The following GRID2 variants were observed in gnomAD, a reference collection of about 807,000 sequenced individuals.
The protein encoded by GRID2 is glutamate ionotropic receptor delta type subunit 2.
GRID2 carries 33 observed loss-of-function variants against 114.8 expected under a neutral mutation model. That is an observed-to-expected ratio of 0.29 (90% CI 0.22 to 0.38). GRID2 has a LOEUF of 0.38. Ranked by LOEUF, GRID2 falls within the 10% of genes least tolerant of loss-of-function variation. The pLI, the probability that GRID2 is intolerant of heterozygous loss-of-function variation, is 1.00. For synonymous variants in GRID2, 505 were observed against 449.9 expected, an observed-to-expected ratio of 1.12 and a Z score of -1.55; for missense variants, 1,184 against 1,257.7, an observed-to-expected ratio of 0.94 and a Z score of 0.89.
At chr4:93,130,443 CA>C (rs534333002) in intron 4 of GRID2, among the ~76,000 whole-genome samples, 23 of 151,840 alleles carry the variant, frequency 1.5e-4, no homozygotes, top group Admixed American at 1.2e-3. Flanking sequence ...AACCCTGTCT[CA>C]GGGGGAAAAA....
intron 8 of GRID2, among the ~76,000 whole-genome samples, chr4:93,301,013 G>T (rs1174453865): frequency 1.3e-5 from 2 of 152,170 alleles, no homozygotes; most frequent in African/African-American, 4.8e-5. Context: ...GGCCAGGCAG[G>T]CCCAGGCCTG....
chr4:93,205,672 C>T (rs556179916), intron 4 of GRID2, among the ~76,000 whole-genome samples: 1 of 152,168 alleles, frequency 6.6e-6, no homozygotes, highest in South Asian at 2.1e-4. Context: ...GGTATATACC[C>T]AGTAATGGGA....
chr4:93,275,128 G>A (rs969900708), intron 8 of GRID2, among the ~76,000 whole-genome samples: 1 of 151,510 alleles, frequency 6.6e-6, no homozygotes, highest in Non-Finnish European at 1.5e-5. Context: ...CTATGAATTT[G>A]CCTATTCTAG....
In GRID2 at chr4:93,649,474, G is replaced by A. The variant is rs143546774; in HGVS notation, c.2360+23039G>A. ...TCATTAAAGCTTGTTTGGTTTTCAT[G>A]GAGGGTGAAGAAGAACTTACTAAGA... is the stretch of plus-strand genomic sequence containing the variant. On this transcript the variant is annotated intron_variant, in intron 14 of 15. Coordinates refer to ENST00000282020, the MANE Select transcript of GRID2 (RefSeq NM_001510.4). Among the ~76,000 whole-genome samples, 1,093 of 152,176 alleles carry A rather than the reference G, an allele frequency of 7.2e-3. 7 individuals are homozygous for A. The highest frequency in any genetic ancestry group is 0.025 in the African/African-American group (1,051 of 41,522).
chr4:93,548,197 A>T (rs1458820597), intron 13 of GRID2, among the ~76,000 whole-genome samples: 1 of 152,166 alleles, frequency 6.6e-6, no homozygotes, highest in South Asian at 2.1e-4. Flanking sequence ...AAAGAAAAAA[A>T]GGAAAAAGCT....
At chr4:93,259,451 G>C (rs983071247) in intron 8 of GRID2, among the ~76,000 whole-genome samples, 1 of 151,666 alleles carries the variant, frequency 6.6e-6, no homozygotes, top group Admixed American at 6.6e-5. Context: ...TTTTTAAAAT[G>C]ATTTCACAGG....
intron 2 of GRID2, among the ~76,000 whole-genome samples, chr4:92,949,412 T>G (rs1751872191): frequency 6.6e-6 from 1 of 152,060 alleles, no homozygotes. Context: ...CTGCACCCAG[T>G]AACTCATCGT....
intron 2 of GRID2, among the ~76,000 whole-genome samples, chr4:92,985,258 C>G (rs1301159287): frequency 6.7e-6 from 1 of 148,432 alleles, no homozygotes; most frequent in African/African-American, 2.5e-5. Context: ...GAGTCTCGCT[C>G]TGTCTCCCAG....
At chr4:92,764,025 C>G (rs1194614468) in intron 2 of GRID2, among the ~76,000 whole-genome samples, 2 of 152,148 alleles carry the variant, frequency 1.3e-5, no homozygotes, top group African/African-American at 4.8e-5. Flanking sequence ...GAAGAGTAGA[C>G]TCATCAGGAA....
At chr4:92,358,923 G>A (rs1443218321) in intron 1 of GRID2, among the ~76,000 whole-genome samples, 1 of 151,842 alleles carries the variant, frequency 6.6e-6, no homozygotes. Flanking sequence ...GTACTTGCAT[G>A]TATCAACTAA....
Position 92,919,870 on chromosome 4 carries a change from G to A in GRID2, c.245-165125G>A, listed in dbSNP as rs373983844. 3.3e-3 allele frequency among the ~76,000 whole-genome samples: 506 copies of A among 152,250 alleles called. 6 individuals carry two copies. The highest frequency in any genetic ancestry group is 0.012 in the South Asian group (58 of 4,814). ...AGTTCTGTAGATGTGTATTAGGTCC[G>A]CTTGGTGCAGAGCTGAGTTCAATTC... is the stretch of plus-strand genomic sequence containing the variant. On this transcript the variant is annotated intron_variant, in intron 2 of 15. Coordinates refer to ENST00000282020, the MANE Select transcript of GRID2 (RefSeq NM_001510.4).
At chr4:93,394,859 G>T (rs141898588) in intron 8 of GRID2, among the ~76,000 whole-genome samples, 1 of 151,914 alleles carries the variant, frequency 6.6e-6, no homozygotes, top group Non-Finnish European at 1.5e-5. Flanking sequence ...CCATATTTTT[G>T]ATTGAGAGTC....
At chr4:93,735,813 A>G (rs1186305260) in intron 14 of GRID2, among the ~76,000 whole-genome samples, 1 of 152,030 alleles carries the variant, frequency 6.6e-6, no homozygotes, top group Non-Finnish European at 1.5e-5. Context: ...TTTCTCAGGT[A>G]AGTATTGAGA....
At chr4:93,263,886 A>C (rs1163098356) in intron 8 of GRID2, among the ~76,000 whole-genome samples, 4 of 152,156 alleles carry the variant, frequency 2.6e-5, no homozygotes, top group Admixed American at 6.6e-5. Context: ...TGCTTATCTT[A>C]ATTGCTATGA....
At chr4:92,505,768 A>C (rs1723932829) in intron 1 of GRID2, among the ~76,000 whole-genome samples, 1 of 152,036 alleles carries the variant, frequency 6.6e-6, no homozygotes, top group Admixed American at 6.6e-5. Context: ...TTTGTTGAAT[A>C]TATCTTTTAG....
chr4:93,557,829 TA>T (rs1734468847), intron 13 of GRID2, among the ~76,000 whole-genome samples: 2 of 152,118 alleles, frequency 1.3e-5, no homozygotes. Context: ...ATTGACCACA[TA>T]ATTGGAAGTA....
chr4:92,927,236 C>T (rs1376108969), intron 2 of GRID2, among the ~76,000 whole-genome samples: 1 of 151,668 alleles, frequency 6.6e-6, no homozygotes, highest in Non-Finnish European at 1.5e-5. Flanking sequence ...AAGAGAAATC[C>T]AAAGAGTAAT....
At chr4:92,537,287 A>C (rs547987431) in intron 1 of GRID2, among the ~76,000 whole-genome samples, 31 of 152,132 alleles carry the variant, frequency 2.0e-4, no homozygotes, top group African/African-American at 6.5e-4. Flanking sequence ...TACTATTATT[A>C]ATTAGCTAAT....
intron 2 of GRID2, among the ~76,000 whole-genome samples, chr4:93,001,809 C>A (rs1473425516): frequency 6.6e-6 from 1 of 151,662 alleles, no homozygotes; most frequent in East Asian, 1.9e-4. Flanking sequence ...AACTAAAATT[C>A]ACAGGAGCTA....
Sources: allele counts gnomAD v4.1 joint callset (sites outside exome capture counted in the v4.1 genomes callset), GRCh38; gene constraint gnomAD v4.1.1; transcripts MANE v1.5; gene names NCBI Gene and HGNC (gene_info 2026-07-23, HGNC 2026-07-21).